ST6GAL2: variants seen among roughly 807,000 people sequenced by gnomAD.
The protein encoded by ST6GAL2 is beta-galactoside alpha-2,6-sialyltransferase 2.
A neutral mutation model predicts 37.5 loss-of-function variants in ST6GAL2; 24 were observed. That is an observed-to-expected ratio of 0.64 (90% CI 0.46 to 0.90). The LOEUF (loss-of-function observed/expected upper bound fraction) is 0.90, where lower values mean the gene tolerates loss of function less well. ST6GAL2 is among the 40% of genes least tolerant of loss of function. ST6GAL2 has a pLI of 0.00. For synonymous variants in ST6GAL2, 306 were observed against 295.1 expected (o/e 1.04, Z -0.38); for missense variants, 715 against 712.7 (o/e 1.00, Z -0.04).
chr2:106,845,217 G>A (rs767152770), intron 1 of ST6GAL2, among the ~76,000 whole-genome samples: 6 of 152,158 alleles, frequency 3.9e-5, no homozygotes, highest in Non-Finnish European at 8.8e-5. Context: ...AAGACCATTT[G>A]GGGAAAACAT....
chr2:106,886,644 T>TGCGCC (rs1208922141), upstream of ST6GAL2: 2 of 151,708 alleles, frequency 1.3e-5, no homozygotes, highest in Non-Finnish European at 2.9e-5. Context: ...GCACCGAGGC[T>TGCGCC]GCGCCGCGCC....
intron 1 of ST6GAL2, among the ~76,000 whole-genome samples, chr2:106,862,336 A>C (rs926592506): frequency 6.6e-6 from 1 of 152,202 alleles, no homozygotes; most frequent in African/African-American, 2.4e-5. Context: ...CTGACTTAAC[A>C]CAGCATTAAC....
chr2:106,885,192 G>A (rs567012905), intron 1 of ST6GAL2, among the ~76,000 whole-genome samples: 31 of 151,738 alleles, frequency 2.0e-4, no homozygotes, highest in Non-Finnish European at 4.3e-4. Context: ...GGCAGTCCTC[G>A]GCGAGGAGGG....
At chr2:106,874,714 A>C (rs559485512) in intron 1 of ST6GAL2, among the ~76,000 whole-genome samples, 1 of 152,218 alleles carries the variant, frequency 6.6e-6, no homozygotes, top group African/African-American at 2.4e-5. Context: ...GCTGAAGCCC[A>C]AGAAACACTT....
rs756271449 is a variant in ST6GAL2, at chr2:106,830,226, C to T, written c.1158G>A (p.Pro386=). The change falls in exon 5 of 6, where the codon CCG becomes CCA. Residue 386 remains proline (P), a synonymous_variant. Transcript: ENST00000409382. The part of the protein sequence containing the change: ...SANLNLWYKK[P]DYNLFTPYIQ... ...TATATGGAGTGAACAGGTTGTAATCCGGTTTTTTGTACCACTAAGGAAAAA... is the reference window on the plus strand; with the variant it reads ...TATATGGAGTGAACAGGTTGTAATCTGGTTTTTTGTACCACTAAGGAAAAA... The T allele has an allele frequency of 2.0e-5, 32 of 1,609,056 alleles. No homozygotes were observed. Among genetic ancestry groups the T allele is most frequent in the South Asian group, 5.5e-5 (5 of 90,516 alleles).
At chr2:106,852,024 A>G (rs556282419) in intron 1 of ST6GAL2, among the ~76,000 whole-genome samples, 1 of 152,260 alleles carries the variant, frequency 6.6e-6, no homozygotes, top group Admixed American at 6.5e-5. Context: ...CCTTATTGGC[A>G]CTTTTTACAA....
chr2:106,875,807 C>CA (rs1573321508), intron 1 of ST6GAL2, among the ~76,000 whole-genome samples: 1 of 152,142 alleles, frequency 6.6e-6, no homozygotes, highest in East Asian at 1.9e-4. Context: ...AGGAAGCTTC[C>CA]ATATTATAAT....
At chr2:106,813,254 A>C (rs772757981) in intron 5 of ST6GAL2, 3 of 1,295,678 alleles carry the variant, frequency 2.3e-6, no homozygotes, top group Non-Finnish European at 3.0e-6. Context: ...GAAGAAAATA[A>C]GTATTAGTAT....
intron 1 of ST6GAL2, among the ~76,000 whole-genome samples, chr2:106,880,309 T>C (rs1409132984): frequency 4.6e-5 from 7 of 152,202 alleles, no homozygotes; most frequent in African/African-American, 1.7e-4. Context: ...TAACCTATAG[T>C]ATTTGGTGAA....
At chr2:106,855,752 G>A (rs1004049270) in intron 1 of ST6GAL2, among the ~76,000 whole-genome samples, 6 of 152,134 alleles carry the variant, frequency 3.9e-5, no homozygotes, top group African/African-American at 1.4e-4. Flanking sequence ...TGTAATAAAA[G>A]TTGTAAAAAG....
chr2:106,866,959 C>T (rs191568060), intron 1 of ST6GAL2, among the ~76,000 whole-genome samples: 54 of 151,942 alleles, frequency 3.6e-4, no homozygotes, highest in African/African-American at 1.1e-3. Context: ...TGGCATTGCA[C>T]GAGTTAACAA....
At chr2:106,831,457 C>A (rs1009031998) in intron 4 of ST6GAL2, among the ~76,000 whole-genome samples, 9 of 152,178 alleles carry the variant, frequency 5.9e-5, no homozygotes, top group African/African-American at 1.9e-4. Flanking sequence ...GAGCTTAAAA[C>A]CAGGGAACCT....
chr2:106,836,756 C>G (rs867906856), intron 2 of ST6GAL2, among the ~76,000 whole-genome samples: 1 of 131,660 alleles, frequency 7.6e-6, no homozygotes, highest in Non-Finnish European at 1.6e-5. Flanking sequence ...GGAGAAACCC[C>G]GTCTCTACTA....
intron 1 of ST6GAL2, among the ~76,000 whole-genome samples, chr2:106,884,936 C>A: frequency 1.0e-5 from 1 of 95,960 alleles, no homozygotes; most frequent in East Asian, 2.5e-4. Context: ...TATATATATA[C>A]ATACACACAC....
At chr2:106,867,800 C>G (rs1052297104) in intron 1 of ST6GAL2, among the ~76,000 whole-genome samples, 1 of 152,118 alleles carries the variant, frequency 6.6e-6, no homozygotes, top group Non-Finnish European at 1.5e-5. Flanking sequence ...GGATTAGAAG[C>G]AGCAGATTAA....
In ST6GAL2 at chr2:106,823,442, AAC is replaced by A. The variant is rs60795605; in HGVS notation, c.1318+6622_1318+6623del. On this transcript the variant is annotated intron_variant, in intron 5 of 5. Coordinates refer to ENST00000409382, the MANE Select transcript of ST6GAL2 (RefSeq NM_001142351.2). ...TATTGCTTTCCTTTTCCCAGCAGAA[AAC>A]ACACACACACACACACACACACACA... 2.7e-3 allele frequency among the ~76,000 whole-genome samples: 279 copies of A among 101,586 alleles called. 1 individual carries two copies. The highest frequency in any genetic ancestry group is 7.6e-3 in the East Asian group (32 of 4,228). 66.6% of individuals were successfully genotyped at this position (101,586 alleles called of 152,430 possible). A position where few individuals can be genotyped will look rare whatever the true frequency, so the allele number is the denominator to read the frequency against.
chr2:106,846,635 G>A (rs1383063519), intron 1 of ST6GAL2, among the ~76,000 whole-genome samples: 1 of 152,196 alleles, frequency 6.6e-6, no homozygotes, highest in East Asian at 1.9e-4. Flanking sequence ...TCGCTTACAT[G>A]TATAAATTGT....
chr2:106,857,625 CA>C (rs913051672), intron 1 of ST6GAL2, among the ~76,000 whole-genome samples: 1 of 151,426 alleles, frequency 6.6e-6, no homozygotes, highest in Non-Finnish European at 1.5e-5. Flanking sequence ...AAAACAAAAC[CA>C]AAAAAAACCA....
intron 1 of ST6GAL2, among the ~76,000 whole-genome samples, chr2:106,873,086 A>G (rs995020619): frequency 6.6e-6 from 1 of 152,204 alleles, no homozygotes; most frequent in Non-Finnish European, 1.5e-5. Context: ...CTGAAAATAT[A>G]CAAAGTTCCA....
Sources: gnomAD v4.1 joint callset for allele counts (sites outside exome capture counted in the v4.1 genomes callset) on GRCh38, gnomAD v4.1.1 for gene constraint, MANE v1.5 for transcripts, NCBI Gene and HGNC (gene_info 2026-07-23, HGNC 2026-07-21) for gene names.